The following SNAI3 variants were observed in gnomAD, a reference collection of about 807,000 sequenced individuals.
SNAI3 encodes the protein zinc finger protein SNAI3.
A neutral mutation model predicts 16.4 loss-of-function variants in SNAI3; 21 were observed. The observed-to-expected ratio is 1.28, with a 90% CI of 0.91 to 1.85. The LOEUF is 1.85. Among genes scored for constraint, SNAI3 ranks in the 40% most tolerant of loss-of-function variants. SNAI3 has a pLI of 0.00. For synonymous variants in SNAI3, 202 were observed against 166.6 expected (o/e 1.21, Z -1.64); for missense variants, 457 against 372.8 (o/e 1.23, Z -1.86).
chr16:88,683,084 C>CTTTTTTT (rs35518035), intron 1 of SNAI3, among the ~76,000 whole-genome samples: 1 of 98,894 alleles, frequency 1.0e-5, no homozygotes, highest in African/African-American at 4.0e-5. Flanking sequence ...GCCCCCCACC[C>CTTTTTTT]TTTTTTTTTT....
At chr16:88,680,317 C>T (rs1203440466) in intron 2 of SNAI3, among the ~76,000 whole-genome samples, 2 of 111,554 alleles carry the variant, frequency 1.8e-5, no homozygotes, top group African/African-American at 3.4e-5. Context: ...GACAGAGTCT[C>T]GCTCTGTCAC....
chr16:88,681,424 G>T lies in SNAI3; in HGVS notation c.367C>A (p.Arg123=). 1 of 1,608,856 alleles carries T rather than the reference G, an allele frequency of 6.2e-7. No individual in the cohort carries two copies. Among genetic ancestry groups the T allele is most frequent in the Non-Finnish European group, 8.5e-7 (1 of 1,176,274 alleles). ...TCTGGGCCCAAGGTCGGGGACCACC[G>T]TGTGGGCAGCACCAGCAGTGGGGGC... ...NLPPLLVLPT[R]WSPTLGPDRH... is the part of the protein sequence containing the mutation. Residue 123 remains arginine, a synonymous_variant, in exon 2 of 3, where the codon CGG becomes AGG. Transcript: ENST00000332281. The surrounding 1 kb of genome is among the most constrained non-coding windows in gnomAD (Gnocchi z 5.4).
intron 2 of SNAI3, chr16:88,679,181 T>A: frequency 2.5e-6 from 2 of 807,826 alleles, no homozygotes; most frequent in Non-Finnish European, 3.0e-6. Flanking sequence ...CCAGAGCACC[T>A]GCATTCCTGC....
intron 2 of SNAI3, among the ~76,000 whole-genome samples, chr16:88,679,487 C>T (rs969760669): frequency 2.0e-5 from 3 of 152,122 alleles, no homozygotes; most frequent in Admixed American, 6.5e-5. Context: ...GCAGGCCGGG[C>T]GCAGTGGCTC....
rs1421678760 is a variant in SNAI3 at position 88,686,439 on chromosome 16, T to TGGGGCGGGAGGGGCGCGCC, written c.-52_-34dup. 3.3e-5 allele frequency: 53 copies of TGGGGCGGGAGGGGCGCGCC among 1,601,038 alleles called. No individual in the cohort carries two copies. The highest frequency in any genetic ancestry group is 4.3e-5 in the Non-Finnish European group (51 of 1,176,514). On this transcript the variant is annotated 5_prime_UTR_variant, in exon 1 of 3. Transcript: ENST00000332281. ...TCCCGGGCGGCAGGCCGGGGTGGGC[T>TGGGGCGGGAGGGGCGCGCC]GGGGCGGGAGGGGCGCGCCTGGGTC...
At position 88,678,390 on chromosome 16, in the gene SNAI3, G is replaced by T; in HGVS notation, c.*58C>A. The T allele has an allele frequency of 1.5e-6, 1 of 679,944 alleles. No homozygotes were observed. The highest frequency in any genetic ancestry group is 2.6e-5 in the East Asian group (1 of 38,658). 42.1% of individuals were successfully genotyped at this position (679,944 alleles called of 1,614,324 possible). A position where few individuals can be genotyped will look rare whatever the true frequency, so the allele number is the denominator to read the frequency against. On this transcript the variant is annotated 3_prime_UTR_variant, in exon 3 of 3. Coordinates refer to ENST00000332281, the MANE Select transcript of SNAI3 (RefSeq NM_178310.4). ...ACTCCTGGCTCCTCTGGGGGCAGGA[G>T]GGACGCCAGCTCTCCCGGTGAGGAC...
In SNAI3 at chr16:88,678,585, C is replaced by G; in HGVS notation, c.742G>C (p.Asp248His). 1.0e-6 allele frequency: 1 copy of G among 1,000,210 alleles called. No homozygotes were observed. Among genetic ancestry groups the G allele is most frequent in the Non-Finnish European group, 1.6e-6 (1 of 621,422 alleles). 62.0% of individuals were successfully genotyped at this position (1,000,210 alleles called of 1,614,324 possible). A position where few individuals can be genotyped will look rare whatever the true frequency, so the allele number is the denominator to read the frequency against. ...AGATGGGCCCGAAGGTTGGAGCGGT[C>G]GGCAAAGGCCCTGCTGCAGTGCGAG... ...ACSHCSRAFA[D>H]RSNLRAHLQT... Residue 248 changes from aspartate (D) to histidine (H), a missense_variant, in exon 3 of 3, where the codon GAC becomes CAC. Asp to His is a moderately conservative substitution (Grantham distance 81, BLOSUM62 -1). Coordinates refer to ENST00000332281, the MANE Select transcript of SNAI3 (RefSeq NM_178310.4).
chr16:88,677,758 C>T lies in SNAI3; in HGVS notation c.*690G>A, dbSNP rs946842027. 6.6e-6 allele frequency: 1 copy of T among 152,344 alleles called. No homozygotes were observed. The highest frequency in any genetic ancestry group is 1.5e-5 in the Non-Finnish European group (1 of 68,104). The allele number at this position is 152,344 out of a possible 1,614,324, so 9.4% of individuals were successfully genotyped here. ...GCTGAGTGCCCTGAGACCCCAGCCC[C>T]CTGAGGCTCTGACCGGGACAAATCC... is the stretch of plus-strand genomic sequence containing the variant. On this transcript the variant is annotated 3_prime_UTR_variant, in exon 3 of 3. Transcript: ENST00000332281.
In SNAI3 at chr16:88,681,278, C is replaced by G; in HGVS notation, c.513G>C (p.Arg171=). ...YHTLAGLARH[R]QLHCHLQVGR... Reference sequence around the variant, plus strand: ...CCACCTGCAGGTGGCAGTGCAGCTGCCGGTGCCTGGCCAGCCCGGCCAGCG... The same window carrying G: ...CCACCTGCAGGTGGCAGTGCAGCTGGCGGTGCCTGGCCAGCCCGGCCAGCG... Residue 171 remains arginine (R), a synonymous_variant, in exon 2 of 3, where the codon CGG becomes CGC. Coordinates refer to ENST00000332281, the MANE Select transcript of SNAI3 (RefSeq NM_178310.4). The surrounding 1 kb of genome is among the most constrained non-coding windows in gnomAD (Gnocchi z 5.4). 1 of 1,613,320 alleles carries G rather than the reference C, an allele frequency of 6.2e-7. No homozygotes were observed.
Position 88,681,806 on chromosome 16 carries a change from C to T in SNAI3, c.77-92G>A. 7.8e-7 allele frequency: 1 copy of T among 1,281,358 alleles called. No homozygotes were observed. Among genetic ancestry groups the T allele is most frequent in the Non-Finnish European group, 9.9e-7 (1 of 1,005,606 alleles). The allele number at this position is 1,281,358 out of a possible 1,614,324, so 79.4% of individuals were successfully genotyped here. A position where few individuals can be genotyped will look rare whatever the true frequency, so the allele number is the denominator to read the frequency against. Reference sequence around the variant, plus strand: ...CTCTGATTCGTGGACCCAGTCACAGCCCATCAGCAGCCTGGCGTGGGAGGT... The same window carrying T: ...CTCTGATTCGTGGACCCAGTCACAGTCCATCAGCAGCCTGGCGTGGGAGGT... On this transcript the variant is annotated intron_variant, in intron 1 of 2. Transcript: ENST00000332281. This position sits in a 1 kb window ranked among gnomAD's most constrained non-coding sequence, Gnocchi z 5.4.
In SNAI3 at chr16:88,680,275, ATTTTTTTTT is replaced by A. The variant is rs560411217; in HGVS notation, c.697+810_697+818del. ...GTACTTTAATGGCATTATGTTTTTG[ATTTTTTTTT>A]TTTTTTTTTTTTTTTTTTTTGAGAC... On this transcript the variant is annotated intron_variant, in intron 2 of 2. Coordinates refer to ENST00000332281, the MANE Select transcript of SNAI3 (RefSeq NM_178310.4). Among the ~76,000 whole-genome samples the A allele has an allele frequency of 1.2e-3, 65 of 55,092 alleles. 1 individual carries two copies. Among genetic ancestry groups the A allele is most frequent in the East Asian group, 9.2e-3 (15 of 1,636 alleles). The allele number at this position is 55,092 out of a possible 152,430, so 36.1% of individuals were successfully genotyped here.
chr16:88,679,372 A>G (rs1909082419), intron 2 of SNAI3, among the ~76,000 whole-genome samples: 1 of 152,226 alleles, frequency 6.6e-6, no homozygotes, highest in Non-Finnish European at 1.5e-5. Flanking sequence ...AGACCTGGAA[A>G]AGGCCTTCCC....
Position 88,681,157 on chromosome 16 carries a change from T to A in SNAI3, c.634A>T (p.Lys212Ter). Residue 212 changes from lysine (K) to a stop codon, truncating the protein, a stop_gained, in exon 2 of 3, where the codon AAG (lysine) becomes TAG (stop). Coordinates refer to ENST00000332281, the MANE Select transcript of SNAI3 (RefSeq NM_178310.4). LOFTEE classifies it high-confidence loss of function. The surrounding 1 kb of genome is among the most constrained non-coding windows in gnomAD (Gnocchi z 5.4). ...CTGGAGAAGGCCTTGCCACAGATCT[T>A]GCAGGTGCAGGGCAGCGTGTGAGTG... ...IRTHTLPCTCKICGKAFSRPW... is the reference protein window; with the variant it reads ...IRTHTLPCTC The A allele has an allele frequency of 6.2e-7, 1 of 1,613,866 alleles. No individual in the cohort carries two copies. Among genetic ancestry groups the A allele is most frequent in the East Asian group, 2.2e-5 (1 of 44,882 alleles).
chr16:88,678,328 G>A lies in SNAI3; in HGVS notation c.*120C>T. On this transcript the variant is annotated 3_prime_UTR_variant, in exon 3 of 3. Transcript: ENST00000332281. ...GTTCTGATTGGACGCAGATGTGGAG[G>A]ACGCACCAAGTGTGAGGCCAGGCCC... 1 of 601,844 alleles carries A rather than the reference G, an allele frequency of 1.7e-6. No homozygotes were observed. Among genetic ancestry groups the A allele is most frequent in the Admixed American group, 2.9e-5 (1 of 35,004 alleles). 37.3% of individuals were successfully genotyped at this position (601,844 alleles called of 1,614,324 possible).
At chr16:88,680,553 G>A (rs1310413624) in intron 2 of SNAI3, among the ~76,000 whole-genome samples, 1 of 151,936 alleles carries the variant, frequency 6.6e-6, no homozygotes, top group Non-Finnish European at 1.5e-5. Flanking sequence ...CTAAAATGCT[G>A]GGATTATAGG....
At chr16:88,680,085 CAAAAAA>C (rs10540733) in intron 2 of SNAI3, among the ~76,000 whole-genome samples, 3 of 125,112 alleles carry the variant, frequency 2.4e-5, no homozygotes, top group Non-Finnish European at 3.3e-5. Flanking sequence ...TGCCTCAGAC[CAAAAAA>C]AAAAAAAAAA....
chr16:88,683,523 G>A (rs929503031), intron 1 of SNAI3, among the ~76,000 whole-genome samples: 2 of 150,736 alleles, frequency 1.3e-5, no homozygotes, highest in African/African-American at 2.4e-5. Flanking sequence ...CAAAGTACTG[G>A]GATTACAGGC....
intron 1 of SNAI3, chr16:88,685,354 T>A (rs773466532): frequency 1.6e-4 from 24 of 151,936 alleles, no homozygotes; most frequent in Non-Finnish European, 3.2e-4. Context: ...CCAGGTGGGA[T>A]CCCCCCCATC....
At position 88,677,707 on chromosome 16, in the gene SNAI3, A is replaced by AC. The variant is rs2142939349; in HGVS notation, c.*740dup. The stretch of plus-strand genomic sequence containing the variant: ...TGCAGGTGTGCAGAGACCATTTATT[A>AC]CCCCACGGCTGTTATTGCCTGGGAA... On this transcript the variant is annotated 3_prime_UTR_variant, in exon 3 of 3. Transcript: ENST00000332281. The AC allele has an allele frequency of 6.6e-6, 1 of 152,220 alleles. No individual in the cohort carries two copies. Among genetic ancestry groups the AC allele is most frequent in the East Asian group, 1.9e-4 (1 of 5,182 alleles). The allele number at this position is 152,220 out of a possible 1,614,324, so 9.4% of individuals were successfully genotyped here.
Sources: allele counts gnomAD v4.1 joint callset (sites outside exome capture counted in the v4.1 genomes callset), GRCh38; gene constraint gnomAD v4.1.1; non-coding constraint Gnocchi (gnomAD v3.1); transcripts MANE v1.5; gene names NCBI Gene and HGNC (gene_info 2026-07-23, HGNC 2026-07-21).